Variants in DBX2 observed in about 807,000 individuals in gnomAD.
DBX2 encodes developing brain homeobox 2.
Under a neutral mutation model 17.7 loss-of-function variants are expected in DBX2, and 16 were observed. The ratio of observed to expected loss-of-function variants is 0.90; its 90% CI spans 0.61 to 1.37. The LOEUF (loss-of-function observed/expected upper bound fraction) is 1.37, where lower values mean the gene tolerates loss of function less well. Among genes scored for constraint, DBX2 ranks in the 40% most tolerant of loss-of-function variants. DBX2 has a pLI of 0.00. For missense variants in DBX2, 538 were observed against 433.8 expected (o/e 1.24, Z -2.13); for synonymous variants, 255 against 183.8 (o/e 1.39, Z -3.13).
At chr12:45,017,799 T>C (rs1383080683) in intron 3 of DBX2, among the ~76,000 whole-genome samples, 2 of 152,186 alleles carry the variant, frequency 1.3e-5, no homozygotes, top group African/African-American at 2.4e-5. Flanking sequence ...TAAAAGCCAA[T>C]CATGTTTTTT....
At position 45,014,743 on chromosome 12, in the gene DBX2, C is replaced by T. The variant is rs1258554261; in HGVS notation, c.*1543G>A. ...TGCTCCCATTCCCCACAATGAGGCA[C>T]TGAGACACACTTCTAAAATGACTTT... On this transcript the variant is annotated 3_prime_UTR_variant, in exon 4 of 4. Coordinates refer to ENST00000332700, the MANE Select transcript of DBX2 (RefSeq NM_001004329.3). 1.3e-5 allele frequency: 2 copies of T among 152,184 alleles called. No individual in the cohort carries two copies. The highest frequency in any genetic ancestry group is 2.9e-5 in the Non-Finnish European group (2 of 68,024). The allele number at this position is 152,184 out of a possible 1,614,324, so 9.4% of individuals were successfully genotyped here.
Position 45,050,938 on chromosome 12 carries a change from C to G in DBX2, c.-11G>C. ...CGCGCTGGGGAGCATAGTGCGGCGC[C>G]AACCGGTCTGCTGCGCGCCCGCCTT... is the stretch of plus-strand genomic sequence containing the variant. On this transcript the variant is annotated 5_prime_UTR_variant, in exon 1 of 4. Transcript: ENST00000332700. 1 of 1,443,340 alleles carries G rather than the reference C, an allele frequency of 6.9e-7. No homozygotes were observed. The highest frequency in any genetic ancestry group is 9.1e-7 in the Non-Finnish European group (1 of 1,096,142). The allele number at this position is 1,443,340 out of a possible 1,614,324, so 89.4% of individuals were successfully genotyped here.
intron 3 of DBX2, among the ~76,000 whole-genome samples, chr12:45,017,078 G>A (rs959572911): frequency 7.2e-5 from 11 of 151,952 alleles, no homozygotes; most frequent in Admixed American, 2.0e-4. Context: ...GAGCCACCAC[G>A]CCCTGCCAAA....
At chr12:45,033,510 A>G (rs1266070177) in intron 2 of DBX2, among the ~76,000 whole-genome samples, 41 of 152,176 alleles carry the variant, frequency 2.7e-4, no homozygotes, top group Admixed American at 2.7e-3. Context: ...AAAGAAGATT[A>G]TTGTACAGAT....
In DBX2 at chr12:45,050,893, G is replaced by C. The variant is rs1234999587; in HGVS notation, c.35C>G (p.Ala12Gly). The change falls in exon 1 of 4, where the codon GCG (alanine) becomes GGG (glycine). Residue 12 changes from alanine (A) to glycine (G), a missense_variant. Physicochemically the swap from Ala to Gly is moderately conservative, Grantham distance 60. Coordinates refer to ENST00000332700, the MANE Select transcript of DBX2 (RefSeq NM_001004329.3). ...GGAGGAAGCCACAACGTCCCAGTAC[G>C]CACCGGCGTGGGCTGCGACCGCGCT... ...LPSAVAAHAG[A>G]YWDVVASSAL... The C allele has an allele frequency of 2.0e-6, 3 of 1,519,620 alleles. No homozygotes were observed. Among genetic ancestry groups the C allele is most frequent in the Non-Finnish European group, 2.6e-6 (3 of 1,136,174 alleles). 94.1% of individuals were successfully genotyped at this position (1,519,620 alleles called of 1,614,324 possible).
At chr12:45,027,431 T>C (rs1946387191) in intron 2 of DBX2, among the ~76,000 whole-genome samples, 1 of 152,192 alleles carries the variant, frequency 6.6e-6, no homozygotes, top group East Asian at 1.9e-4. Context: ...ATGCTTAATT[T>C]GTAAATGTAT....
chr12:45,041,221 T>A (rs553734818), intron 1 of DBX2, among the ~76,000 whole-genome samples: 2 of 149,300 alleles, frequency 1.3e-5, no homozygotes, highest in East Asian at 1.9e-4. Context: ...AAATTATAAA[T>A]AAAATAATAA....
At chr12:45,047,010 T>C (rs933933501) in intron 1 of DBX2, among the ~76,000 whole-genome samples, 8 of 152,210 alleles carry the variant, frequency 5.3e-5, no homozygotes, top group Non-Finnish European at 8.8e-5. Flanking sequence ...ATTATTTTTA[T>C]GTCAAACATT....
intron 3 of DBX2, among the ~76,000 whole-genome samples, chr12:45,020,675 G>GTTTATA (rs1555141165): frequency 1.4e-5 from 2 of 146,010 alleles, no homozygotes; most frequent in South Asian, 2.1e-4. Flanking sequence ...GTATATATAT[G>GTTTATA]TATATATATA....
intron 1 of DBX2, among the ~76,000 whole-genome samples, chr12:45,046,816 T>C (rs558767920): frequency 1.3e-5 from 2 of 152,076 alleles, no homozygotes; most frequent in African/African-American, 2.4e-5. Flanking sequence ...CCTAACCGGA[T>C]GCCAGAAAAA....
chr12:45,045,588 G>C (rs1033860910), intron 1 of DBX2, among the ~76,000 whole-genome samples: 17 of 152,188 alleles, frequency 1.1e-4, no homozygotes, highest in African/African-American at 3.9e-4. Context: ...ACTAAGAACA[G>C]GAAGGAGGTG....
Position 45,050,809 on chromosome 12 carries a change from A to T in DBX2, c.119T>A (p.Ile40Asn), listed in dbSNP as rs1199422359. 38 of 1,536,716 alleles carry T rather than the reference A, an allele frequency of 2.5e-5. No individual in the cohort carries two copies. The highest frequency in any genetic ancestry group is 3.1e-5 in the Non-Finnish European group (35 of 1,144,112). ...GFGNLGKSFLIENLLRVGGAP... is the reference protein window; with the variant it reads ...GFGNLGKSFLNENLLRVGGAP... ...GCCCCCGACCCGCAGCAAATTCTCGATCAGGAAACTCTTGCCCAGGTTGCC... is the reference window on the plus strand; with the variant it reads ...GCCCCCGACCCGCAGCAAATTCTCGTTCAGGAAACTCTTGCCCAGGTTGCC... Residue 40 changes from isoleucine (I) to asparagine (N), a missense_variant, in exon 1 of 4, where the codon ATC (isoleucine) becomes AAC (asparagine). Physicochemically the swap from Ile to Asn is moderately radical, Grantham distance 149. Coordinates refer to ENST00000332700, the MANE Select transcript of DBX2 (RefSeq NM_001004329.3).
intron 1 of DBX2, among the ~76,000 whole-genome samples, chr12:45,047,207 T>A (rs1946504963): frequency 6.6e-6 from 1 of 152,138 alleles, no homozygotes; most frequent in Non-Finnish European, 1.5e-5. Context: ...AATATTTTAA[T>A]CAGGCATAAT....
chr12:45,017,555 T>G (rs1448260083), intron 3 of DBX2, among the ~76,000 whole-genome samples: 1 of 152,230 alleles, frequency 6.6e-6, no homozygotes, highest in African/African-American at 2.4e-5. Flanking sequence ...GCAGGCTTTA[T>G]ACAGTTTCCA....
At chr12:45,043,267 C>T (rs1946481601) in intron 1 of DBX2, among the ~76,000 whole-genome samples, 1 of 152,174 alleles carries the variant, frequency 6.6e-6, no homozygotes, top group Non-Finnish European at 1.5e-5. Context: ...GCCTTGGTGA[C>T]TTGCTTAACC....
At chr12:45,028,016 A>T (rs146769581) in intron 2 of DBX2, among the ~76,000 whole-genome samples, 17 of 152,262 alleles carry the variant, frequency 1.1e-4, no homozygotes, top group African/African-American at 4.1e-4. Flanking sequence ...AAGTAGGTCC[A>T]AGAGAGAGCA....
In DBX2 at chr12:45,039,637, C is replaced by G. The variant is rs142250937; in HGVS notation, c.404-3523G>C. ...TGCTTACTATATATCAGGCACTGGA[C>G]TAGCTACAAATTTAACACATGCTAA... On this transcript the variant is annotated intron_variant, in intron 1 of 3. Transcript: ENST00000332700. Among the ~76,000 whole-genome samples, 471 of 152,020 alleles carry G rather than the reference C, an allele frequency of 3.1e-3. 2 individuals are homozygous for G. Among genetic ancestry groups the G allele is most frequent in the African/African-American group, 0.011 (439 of 41,490 alleles).
At chr12:45,032,201 T>C (rs994751469) in intron 2 of DBX2, among the ~76,000 whole-genome samples, 2 of 152,200 alleles carry the variant, frequency 1.3e-5, no homozygotes, top group Admixed American at 6.5e-5. Flanking sequence ...CATTTATCTA[T>C]GGAACACCCC....
chr12:45,031,225 T>TGTGTGTGTGTGAGA (rs1377897653), intron 2 of DBX2, among the ~76,000 whole-genome samples: 1,587 of 85,560 alleles, frequency 0.019, 32 homozygotes, highest in East Asian at 0.098. Context: ...TGTGTGTGTG[T>TGTGTGTGTGTGAGA]GAGAGAGAGA....
Sources: allele counts gnomAD v4.1 joint callset (sites outside exome capture counted in the v4.1 genomes callset), GRCh38; gene constraint gnomAD v4.1.1; transcripts MANE v1.5; gene names NCBI Gene and HGNC (gene_info 2026-07-23, HGNC 2026-07-21).